SCAP: variants seen among roughly 807,000 people sequenced by gnomAD.
SCAP encodes SREBF chaperone.
Under a neutral mutation model 123.6 loss-of-function variants are expected in SCAP, and 65 were observed. The ratio of observed to expected loss-of-function variants is 0.53; its 90% CI spans 0.43 to 0.65. SCAP has a LOEUF of 0.65. SCAP is among the 30% of genes least tolerant of loss of function. The pLI is 0.00. For synonymous variants in SCAP, 740 were observed against 726.3 expected, an observed-to-expected ratio of 1.02 and a Z score of -0.30; for missense variants, 1,398 against 1,712.5, an observed-to-expected ratio of 0.82 and a Z score of 3.24.
chr3:47,426,091 G>C lies in SCAP; in HGVS notation c.816C>G (p.Val272=), dbSNP rs779981590. ...PNCSLRAESL[V]HVHFKEEIGV... Reference sequence around the variant, plus strand: ...CAATCTCCTCCTTGAAGTGCACGTGGACCAGGCTCTCCGCCCGAAGGCTGC... The same window carrying C: ...CAATCTCCTCCTTGAAGTGCACGTGCACCAGGCTCTCCGCCCGAAGGCTGC... The change falls in exon 7 of 23, where the codon GTC becomes GTG. Residue 272 remains valine (V), a synonymous_variant. Transcript: ENST00000265565. The C allele has an allele frequency of 1.2e-6, 2 of 1,614,088 alleles. No individual in the cohort carries two copies. Among genetic ancestry groups the C allele is most frequent in the Admixed American group, 1.7e-5 (1 of 59,998 alleles).
chr3:47,448,014 A>C (rs1707113835), intron 1 of SCAP, among the ~76,000 whole-genome samples: 1 of 151,028 alleles, frequency 6.6e-6, no homozygotes, highest in Non-Finnish European at 1.5e-5. Flanking sequence ...AAAAAAAAAA[A>C]AAAAAAAAAA....
chr3:47,441,130 G>A (rs1353204885), intron 2 of SCAP, among the ~76,000 whole-genome samples: 6 of 152,072 alleles, frequency 3.9e-5, no homozygotes, highest in Non-Finnish European at 7.4e-5. Flanking sequence ...TCGATCGCCT[G>A]ACCTCGTGAT....
intron 3 of SCAP, among the ~76,000 whole-genome samples, chr3:47,432,400 G>A (rs868586456): frequency 1.1e-4 from 17 of 148,750 alleles, no homozygotes; most frequent in Admixed American, 6.8e-5. Context: ...GAGCTCTTTC[G>A]ATTGCCCCCC....
chr3:47,473,093 A>AAAAAAAAC (rs1553652466), intron 1 of SCAP, among the ~76,000 whole-genome samples: 1 of 147,130 alleles, frequency 6.8e-6, no homozygotes, highest in Non-Finnish European at 1.5e-5. Context: ...AAAAAAAAAA[A>AAAAAAAAC]AAAAAACAGA....
Position 47,420,621 on chromosome 3 carries a change from C to T in SCAP, c.1496G>A (p.Arg499Gln), listed in dbSNP as rs746992646. Reference sequence around the variant, plus strand: ...GACAACACGCAGCCTCTTGGGGAGCCGCAGGTTTCGGAAGGAAGACGGCTG... The same window carrying T: ...GACAACACGCAGCCTCTTGGGGAGCTGCAGGTTTCGGAAGGAAGACGGCTG... ...TLQPSSFRNL[R>Q]LPKRLRVVYF... is the part of the protein sequence containing the mutation. The change falls in exon 12 of 23, where the codon CGG becomes CAG. Residue 499 changes from arginine (R) to glutamine (Q), a missense_variant. By Grantham distance (43) the Arg-to-Gln change is conservative (BLOSUM62 1). Transcript: ENST00000265565. This position sits in a 1 kb window ranked among gnomAD's most constrained non-coding sequence, Gnocchi z 5.0. 2 of 1,612,170 alleles carry T rather than the reference C, an allele frequency of 1.2e-6. No homozygotes were observed. Among genetic ancestry groups the T allele is most frequent in the Non-Finnish European group, 8.5e-7 (1 of 1,179,888 alleles).
At chr3:47,430,876 G>A (rs1327395542) in intron 3 of SCAP, among the ~76,000 whole-genome samples, 1 of 152,178 alleles carries the variant, frequency 6.6e-6, no homozygotes, top group Non-Finnish European at 1.5e-5. Context: ...GGATGAAAGG[G>A]AGGCCATGGA....
chr3:47,426,309 T>C (rs1706128025), intron 6 of SCAP, 140 bp from the exon 7 acceptor site: 1 of 795,636 alleles, frequency 1.3e-6, no homozygotes, highest in Non-Finnish European at 1.9e-6. Context: ...TGCCTGAGCT[T>C]CTCTATAGTC....
intron 8 of SCAP, chr3:47,425,245 C>T (rs934011713): frequency 2.0e-6 from 1 of 495,916 alleles, no homozygotes; most frequent in Non-Finnish European, 3.6e-6. Context: ...ACACCCAGCC[C>T]ACAAATATGC....
intron 15 of SCAP, 30 bp downstream of exon 15, chr3:47,418,291 C>G: frequency 1.9e-6 from 3 of 1,553,558 alleles, no homozygotes; most frequent in Non-Finnish European, 2.6e-6. Context: ...CTCCGGCCCT[C>G]CCCTACCCGG....
chr3:47,473,099 A>AAAAC (rs1559576281), intron 1 of SCAP, among the ~76,000 whole-genome samples: 3 of 148,220 alleles, frequency 2.0e-5, no homozygotes, highest in South Asian at 2.1e-4. Context: ...AAAAAAAAAA[A>AAAAC]CAGACTGTGG....
In SCAP at chr3:47,445,223, T is replaced by C. The variant is rs1418461009; in HGVS notation, c.-98-2132A>G. On this transcript the variant is annotated intron_variant, in intron 1 of 22. Transcript: ENST00000265565. ...AACATTCTAACATTCCTGTATTTGT[T>C]TGAATACCTGTTTTCAATTCTTTTT... Among the ~76,000 whole-genome samples the C allele has an allele frequency of 3.3e-5, 5 of 152,068 alleles. 1 individual carries two copies. In the East Asian group the frequency reaches 9.6e-4, roughly 29 times the overall value.
At chr3:47,462,387 A>G (rs908985938) in intron 1 of SCAP, among the ~76,000 whole-genome samples, 5 of 152,170 alleles carry the variant, frequency 3.3e-5, no homozygotes, top group African/African-American at 1.2e-4. Context: ...TAGTAAAGGC[A>G]CACGCAGTGA....
intron 1 of SCAP, among the ~76,000 whole-genome samples, chr3:47,474,734 C>T (rs1212269111): frequency 1.3e-5 from 2 of 151,596 alleles, no homozygotes; most frequent in East Asian, 3.9e-4. Flanking sequence ...GAAATCAAGG[C>T]TGCAGTGAGC....
rs569135423 is a variant in SCAP at position 47,417,667 on chromosome 3, G to A, written c.2607C>T (p.Asp869=). The A allele has an allele frequency of 6.2e-7, 1 of 1,609,376 alleles. No homozygotes were observed. Among genetic ancestry groups the A allele is most frequent in the African/African-American group, 1.3e-5 (1 of 74,412 alleles). ...CAATTAAGCAGGTGAGGTCAGGCTG[G>A]TCCCCGAAGAGGGAAGGCGGCGGAG... is the stretch of plus-strand genomic sequence containing the variant. ...RGPPPPSLFG[D]QPDLTCLIDT... The change falls in exon 17 of 23, where the codon GAC becomes GAT. Residue 869 remains aspartate (D), a synonymous_variant. Coordinates refer to ENST00000265565, the MANE Select transcript of SCAP (RefSeq NM_012235.4).
intron 2 of SCAP, 148 bp from the exon 3 acceptor site, chr3:47,435,285 T>G: frequency 1.1e-6 from 1 of 932,182 alleles, no homozygotes. Context: ...ATTGCAAAGC[T>G]GAAACTCAGA....
chr3:47,418,278 A>G (rs1432329795), intron 15 of SCAP, 29 bp from the exon 16 acceptor site: 4 of 1,553,778 alleles, frequency 2.6e-6, no homozygotes, highest in Non-Finnish European at 2.6e-6. Flanking sequence ...GGTATGGGCC[A>G]GGCTCCGGCC....
chr3:47,454,769 C>G lies in SCAP; in HGVS notation c.-98-11678G>C, dbSNP rs895306194. ...AAAAAATAATAATAAAAAAAATACA[C>G]ATATATATATAAAAAATAAATACAG... On this transcript the variant is annotated intron_variant, in intron 1 of 22. Coordinates refer to ENST00000265565, the MANE Select transcript of SCAP (RefSeq NM_012235.4). Among the ~76,000 whole-genome samples the G allele has an allele frequency of 4.6e-5, 7 of 151,560 alleles. No homozygotes were observed. The South Asian group carries it at 1.5e-3, about 32-fold the overall frequency.
chr3:47,429,934 C>T (rs952721584), intron 3 of SCAP, among the ~76,000 whole-genome samples: 1 of 152,194 alleles, frequency 6.6e-6, no homozygotes, highest in African/African-American at 2.4e-5. Context: ...AGCAGAGTAG[C>T]GGGTTTTGAA....
intron 1 of SCAP, among the ~76,000 whole-genome samples, chr3:47,454,010 A>T (rs1030635509): frequency 6.6e-6 from 1 of 152,220 alleles, no homozygotes; most frequent in Admixed American, 6.5e-5. Flanking sequence ...TCAACATATT[A>T]ACAGAGATCA....
Sources: gnomAD v4.1 joint callset for allele counts (sites outside exome capture counted in the v4.1 genomes callset) on GRCh38, gnomAD v4.1.1 for gene constraint, Gnocchi (gnomAD v3.1) non-coding constraint, MANE v1.5 for transcripts, NCBI Gene and HGNC (gene_info 2026-07-23, HGNC 2026-07-21) for gene names.